Variants in ACSM6 observed in about 807,000 individuals in gnomAD.
ACSM6 encodes acyl-CoA synthetase medium chain family member 6.
In ACSM6, 35 loss-of-function variants were observed where a neutral mutation model predicts 51.1. The ratio of observed to expected loss-of-function variants is 0.69; its 90% CI spans 0.52 to 0.91. The LOEUF is 0.91. Among genes scored for constraint, ACSM6 ranks in the 40% least tolerant of loss-of-function variants. The pLI is 0.00. For synonymous variants in ACSM6, 172 were observed against 207.3 expected (o/e 0.83, Z 1.46); for missense variants, 509 against 584.1 (o/e 0.87, Z 1.32).
intron 2 of ACSM6, among the ~76,000 whole-genome samples, chr10:95,200,151 G>A (rs2034777123): frequency 6.6e-6 from 1 of 152,090 alleles, no homozygotes; most frequent in Non-Finnish European, 1.5e-5. Context: ...TAGACACCAT[G>A]GAATACTATG....
At chr10:95,211,178 C>G (rs1251661752) in intron 5 of ACSM6, among the ~76,000 whole-genome samples, 1 of 152,160 alleles carries the variant, frequency 6.6e-6, no homozygotes, top group Admixed American at 6.5e-5. Flanking sequence ...GGTTTGGGTT[C>G]TAGAGTCAGC....
In ACSM6 at chr10:95,210,702, GC is replaced by G; in HGVS notation, c.666del (p.Ile223TyrfsTer54). The G allele has an allele frequency of 1.9e-6, 3 of 1,613,920 alleles. No individual in the cohort carries two copies. Among genetic ancestry groups the G allele is most frequent in the Non-Finnish European group, 2.5e-6 (3 of 1,179,890 alleles). On this transcript the variant is annotated frameshift_variant, in exon 5 of 11. Coordinates refer to ENST00000341686, the Ensembl canonical transcript of ACSM6. LOFTEE classifies it high-confidence loss of function. ...GAGGACCAAAAGCCAAGATCCAATG[GC>G]CATATTCTTCACCAAGGGTACAACA...
chr10:95,195,172 C>T (rs767693263), intron 2 of ACSM6, among the ~76,000 whole-genome samples: 23 of 152,198 alleles, frequency 1.5e-4, no homozygotes, highest in Admixed American at 5.9e-4. Flanking sequence ...GAACTTACTG[C>T]GTAGTGTTTT....
At chr10:95,226,730 A>G (rs146735919) in intron 10 of ACSM6, among the ~76,000 whole-genome samples, 21 of 152,334 alleles carry the variant, frequency 1.4e-4, no homozygotes, top group African/African-American at 3.9e-4. Flanking sequence ...ATATTTATTT[A>G]GCCTTTCCTG....
At chr10:95,213,091 G>A (rs2034911079) in intron 7 of ACSM6, 151 bp downstream of exon 7, 2 of 551,178 alleles carry the variant, frequency 3.6e-6, no homozygotes, top group Non-Finnish European at 6.3e-6. Context: ...CCATTAGTGT[G>A]TGTGATTTTT....
At chr10:95,202,961 A>G (rs1053939967) in intron 3 of ACSM6, among the ~76,000 whole-genome samples, 1 of 149,006 alleles carries the variant, frequency 6.7e-6, no homozygotes, top group Admixed American at 6.7e-5. Context: ...AAAAAAAGAC[A>G]GAGAAGGTAG....
intron 2 of ACSM6, chr10:95,201,415 T>C: frequency 2.2e-6 from 1 of 448,902 alleles, no homozygotes; most frequent in Non-Finnish European, 4.5e-6. Flanking sequence ...GTATTTGATT[T>C]TCTGTTTCTG....
In ACSM6 at chr10:95,194,323, G is replaced by C. The variant is rs545166181; in HGVS notation, c.-22+20G>C. On this transcript the variant is annotated intron_variant, in intron 1 of 10. Transcript: ENST00000341686. Reference sequence around the variant, plus strand: ...GAATTGGTAAGTATCTGTGCTCATGGGCTTCTTCTCCAATGATCTGACTGT... The same window carrying C: ...GAATTGGTAAGTATCTGTGCTCATGCGCTTCTTCTCCAATGATCTGACTGT... The C allele has an allele frequency of 1.5e-6, 1 of 645,250 alleles. No individual in the cohort carries two copies. The highest frequency in any genetic ancestry group is 3.0e-5 in the Admixed American group (1 of 33,886). 40.0% of individuals were successfully genotyped at this position (645,250 alleles called of 1,614,324 possible). A position where few individuals can be genotyped will look rare whatever the true frequency, so the allele number is the denominator to read the frequency against.
chr10:95,204,736 G>A (rs1233729091), intron 3 of ACSM6, among the ~76,000 whole-genome samples: 1 of 151,782 alleles, frequency 6.6e-6, no homozygotes, highest in African/African-American at 2.4e-5. Context: ...GTTAGAAAAG[G>A]ACTTAAGTAT....
At chr10:95,207,351 A>C (rs2034849713) in exon 4 of ACSM6, 2 of 1,614,062 alleles carry the variant, frequency 1.2e-6, no homozygotes, top group Non-Finnish European at 1.7e-6. Context: ...CCCCACCTTG[A>C]AAACCAAGCT....
At chr10:95,224,612 C>G (rs1308774146) in intron 9 of ACSM6, among the ~76,000 whole-genome samples, 1 of 152,172 alleles carries the variant, frequency 6.6e-6, no homozygotes, top group Non-Finnish European at 1.5e-5. Context: ...GTTGGTCAGG[C>G]TGGTCTCGAA....
At chr10:95,198,476 C>A (rs944653909) in intron 2 of ACSM6, among the ~76,000 whole-genome samples, 1 of 152,052 alleles carries the variant, frequency 6.6e-6, no homozygotes, top group Non-Finnish European at 1.5e-5. Flanking sequence ...CATGGTGAAA[C>A]CCCATCTCTA....
intron 4 of ACSM6, among the ~76,000 whole-genome samples, chr10:95,207,753 C>T (rs1000585949): frequency 6.7e-6 from 1 of 148,984 alleles, no homozygotes; most frequent in Admixed American, 6.7e-5. Context: ...AAACATATTA[C>T]AAAAAACATA....
rs56999073 is a variant in ACSM6 at position 95,228,486 on chromosome 10, G to C, written c.1303-158G>C. 5.5e-5 allele frequency: 35 copies of C among 633,794 alleles called. No individual in the cohort carries two copies. In the African/African-American group the frequency reaches 6.6e-4, roughly 12 times the overall value. The allele number at this position is 633,794 out of a possible 1,614,324, so 39.3% of individuals were successfully genotyped here. On this transcript the variant is annotated intron_variant, in intron 10 of 10. Transcript: ENST00000341686. ...GAGAAATGACCAAGGAAAGTTCTCCGTGTTTGTTGAGTTTTCTATGTGAGA... is the reference window on the plus strand; with the variant it reads ...GAGAAATGACCAAGGAAAGTTCTCCCTGTTTGTTGAGTTTTCTATGTGAGA...
intron 4 of ACSM6, among the ~76,000 whole-genome samples, chr10:95,208,889 C>A (rs669360): frequency 0.55 from 71,233 of 129,560 alleles, 19,259 homozygotes; most frequent in Middle Eastern, 0.72. Context: ...TGATAATTAT[C>A]AATGTGGTCT....
At chr10:95,197,765 GACCCT>G (rs1238570129) in intron 2 of ACSM6, among the ~76,000 whole-genome samples, 1 of 152,178 alleles carries the variant, frequency 6.6e-6, no homozygotes, top group Non-Finnish European at 1.5e-5. Flanking sequence ...CCTCAGCACA[GACCCT>G]TTACGGGTGT....
intron 2 of ACSM6, 32 bp downstream of exon 2, chr10:95,194,709 T>C: frequency 6.5e-7 from 1 of 1,530,440 alleles, no homozygotes; most frequent in East Asian, 2.4e-5. Context: ...CTTGGAAACT[T>C]TGGCCAAGGC....
At chr10:95,220,031 A>T in intron 9 of ACSM6, 60 bp downstream of exon 9, 5 of 1,384,644 alleles carry the variant, frequency 3.6e-6, no homozygotes, top group Non-Finnish European at 5.1e-6. Context: ...ACAGTTGTTT[A>T]TCTAAATTTC....
intron 9 of ACSM6, among the ~76,000 whole-genome samples, chr10:95,224,487 G>A (rs1388315281): frequency 2.6e-5 from 4 of 152,126 alleles, no homozygotes; most frequent in Non-Finnish European, 5.9e-5. Flanking sequence ...CATGATCTTG[G>A]CCTCCCGGGT....
Sources: allele counts gnomAD v4.1 joint callset (sites outside exome capture counted in the v4.1 genomes callset), GRCh38; gene constraint gnomAD v4.1.1; transcripts MANE v1.5; gene names NCBI Gene and HGNC (gene_info 2026-07-23, HGNC 2026-07-21).